QRFPR: variants seen among roughly 807,000 people sequenced by gnomAD.
QRFPR encodes pyroglutamylated RF-amide peptide receptor.
A neutral mutation model predicts 31.3 loss-of-function variants in QRFPR; 37 were observed. That is an observed-to-expected ratio of 1.18 (90% CI 0.91 to 1.56). The LOEUF (loss-of-function observed/expected upper bound fraction) is 1.56, where lower values mean the gene tolerates loss of function less well. Among genes scored for constraint, QRFPR ranks in the 40% most tolerant of loss-of-function variants. The pLI is 0.00. For missense variants in QRFPR, 542 were observed against 532.5 expected (o/e 1.02, Z -0.18); for synonymous variants, 197 against 192.0 (o/e 1.03, Z -0.22).
intron 1 of QRFPR, among the ~76,000 whole-genome samples, chr4:121,378,407 C>CTTGTTTT (rs1560748464): frequency 9.9e-6 from 1 of 100,926 alleles, no homozygotes. Context: ...GCTCACTGCA[C>CTTGTTTT]TTTTTTTTTT....
chr4:121,377,868 T>G (rs915102569), intron 1 of QRFPR, among the ~76,000 whole-genome samples: 1 of 152,224 alleles, frequency 6.6e-6, no homozygotes, highest in African/African-American at 2.4e-5. Context: ...AATTAATTTT[T>G]GGCTCTTAGA....
At chr4:121,335,429 T>C (rs1398841927) in intron 3 of QRFPR, among the ~76,000 whole-genome samples, 8 of 151,960 alleles carry the variant, frequency 5.3e-5, no homozygotes, top group Non-Finnish European at 1.2e-4. Context: ...TCAGTGCTGT[T>C]ATCTTTGAGA....
intron 1 of QRFPR, among the ~76,000 whole-genome samples, chr4:121,379,585 C>T (rs1726429723): frequency 6.6e-6 from 1 of 152,152 alleles, no homozygotes; most frequent in Non-Finnish European, 1.5e-5. Flanking sequence ...ACACACTGCT[C>T]CCAACTCAGT....
At chr4:121,332,763 C>A in intron 4 of QRFPR, 58 bp downstream of exon 4, 1 of 1,331,260 alleles carries the variant, frequency 7.5e-7, no homozygotes, top group Non-Finnish European at 1.1e-6. Flanking sequence ...GGCAACCATC[C>A]CTTCCAGCAC....
intron 3 of QRFPR, among the ~76,000 whole-genome samples, 178 bp downstream of exon 3, chr4:121,336,629 A>G (rs866697068): frequency 4.6e-5 from 7 of 152,352 alleles, no homozygotes; most frequent in South Asian, 2.1e-4. Flanking sequence ...GAAGAGCTAG[A>G]TAAAACAGAG....
At chr4:121,343,885 A>G (rs1375146208) in intron 1 of QRFPR, among the ~76,000 whole-genome samples, 1 of 152,152 alleles carries the variant, frequency 6.6e-6, no homozygotes, top group Non-Finnish European at 1.5e-5. Context: ...CTGTCAATTG[A>G]TTCATTGATA....
At chr4:121,336,733 A>C in intron 3 of QRFPR, 74 bp downstream of exon 3, 1 of 1,214,340 alleles carries the variant, frequency 8.2e-7, no homozygotes. Flanking sequence ...TCCTGCAGGA[A>C]GGAAAATAAT....
rs571216193 is a variant in QRFPR, at chr4:121,353,636, G to A, written c.341-13026C>T. 3.3e-5 allele frequency among the ~76,000 whole-genome samples: 5 copies of A among 152,112 alleles called. No individual in the cohort carries two copies. In the South Asian group the frequency reaches 6.2e-4, roughly 19 times the overall value. ...TAATCCTTTGTCAGATGGGTATTTT[G>A]CAAATATTTCCTCCCATTTGTGGGT... On this transcript the variant is annotated intron_variant, in intron 1 of 5. Transcript: ENST00000394427.
intron 1 of QRFPR, among the ~76,000 whole-genome samples, chr4:121,349,833 A>G (rs1162482302): frequency 6.6e-6 from 1 of 152,238 alleles, no homozygotes; most frequent in Non-Finnish European, 1.5e-5. Context: ...CTCTGTATCA[A>G]TAACATGCCC....
At chr4:121,373,632 GA>G (rs1321683878) in intron 1 of QRFPR, among the ~76,000 whole-genome samples, 7 of 151,964 alleles carry the variant, frequency 4.6e-5, no homozygotes, top group African/African-American at 9.7e-5. Flanking sequence ...AAATATCATA[GA>G]AAAAAATTAT....
intron 1 of QRFPR, among the ~76,000 whole-genome samples, chr4:121,374,263 C>G (rs1726308358): frequency 6.6e-6 from 1 of 152,156 alleles, no homozygotes; most frequent in Admixed American, 6.5e-5. Context: ...TGTTGGACTC[C>G]AGTTAATATA....
rs1726144304 is a variant in QRFPR, at chr4:121,366,994, A to T, written c.340+13314T>A. Among the ~76,000 whole-genome samples, 2 of 149,986 alleles carry T rather than the reference A, an allele frequency of 1.3e-5. 1 individual carries two copies. The highest frequency in any genetic ancestry group is 1.3e-4 in the Admixed American group (2 of 15,068). On this transcript the variant is annotated intron_variant, in intron 1 of 5. Coordinates refer to ENST00000394427, the MANE Select transcript of QRFPR (RefSeq NM_198179.3). The stretch of plus-strand genomic sequence containing the variant: ...GGACAATATTCATACACCTGACATC[A>T]TTGTTTCACGGTCACTCTCACCCTG...
chr4:121,339,608 C>G (rs1725499994), intron 2 of QRFPR, among the ~76,000 whole-genome samples: 1 of 152,132 alleles, frequency 6.6e-6, no homozygotes, highest in Non-Finnish European at 1.5e-5. Context: ...CTGTTCTCCA[C>G]TTTTCTAAAA....
chr4:121,331,669 T>C (rs1725329455), intron 4 of QRFPR, among the ~76,000 whole-genome samples: 1 of 150,476 alleles, frequency 6.6e-6, no homozygotes, highest in African/African-American at 2.4e-5. Context: ...GTTATTATTA[T>C]GGAGATGGAG....
intron 1 of QRFPR, 52 bp from the exon 2 acceptor site, chr4:121,340,662 T>G (rs1237205148): frequency 6.5e-7 from 1 of 1,543,780 alleles, no homozygotes; most frequent in Non-Finnish European, 8.8e-7. Context: ...AGAATAAAGG[T>G]TTCATCTGTG....
chr4:121,376,423 A>T (rs1726353246), intron 1 of QRFPR, among the ~76,000 whole-genome samples: 1 of 152,162 alleles, frequency 6.6e-6, no homozygotes, highest in Non-Finnish European at 1.5e-5. Context: ...TCATGTAAAA[A>T]CATGTTTGTG....
intron 1 of QRFPR, among the ~76,000 whole-genome samples, chr4:121,373,978 C>T (rs1726301609): frequency 6.6e-6 from 1 of 152,138 alleles, no homozygotes; most frequent in African/African-American, 2.4e-5. Context: ...TGGAGCTTCG[C>T]CTACTACCAT....
chr4:121,375,500 A>G (rs1055172110), intron 1 of QRFPR, among the ~76,000 whole-genome samples: 2 of 152,244 alleles, frequency 1.3e-5, no homozygotes, highest in Non-Finnish European at 2.9e-5. Flanking sequence ...AATGACTCAT[A>G]GTGCCATTAA....
chr4:121,332,853 A>G lies in QRFPR; in HGVS notation c.765T>C (p.Thr255=), dbSNP rs1172187578. The G allele has an allele frequency of 6.2e-7, 1 of 1,613,914 alleles. No homozygotes were observed. Among genetic ancestry groups the G allele is most frequent in the South Asian group, 1.1e-5 (1 of 91,068 alleles). Residue 255 remains threonine (T), a synonymous_variant, in exon 4 of 6, where the codon ACT becomes ACC. Transcript: ENST00000394427. ...TTTTGGACATTTCTTTTCCATGAAT[A>G]GTTCGAAGCACTGAACCATCCCCAA... ...KRVGDGSVLR[T]IHGKEMSKIA...
Sources: allele counts gnomAD v4.1 joint callset (sites outside exome capture counted in the v4.1 genomes callset), GRCh38; gene constraint gnomAD v4.1.1; transcripts MANE v1.5; gene names NCBI Gene and HGNC (gene_info 2026-07-23, HGNC 2026-07-21).